Variants in PXDNL observed in about 807,000 individuals in gnomAD.
PXDNL encodes the protein probable oxidoreductase PXDNL.
PXDNL carries 145 observed loss-of-function variants against 150.8 expected under a neutral mutation model. The observed-to-expected ratio is 0.96, with a 90% CI of 0.84 to 1.10. PXDNL has a LOEUF of 1.10. Among genes scored for constraint, PXDNL ranks in the 50% least tolerant of loss-of-function variants. The probability of loss-of-function intolerance (pLI) is 0.00; values close to 1 mark genes in which losing one functional copy is unlikely to be tolerated. For synonymous variants in PXDNL, 757 were observed against 725.7 expected (o/e 1.04, Z -0.69); for missense variants, 2,087 against 1,873.9 (o/e 1.11, Z -2.10).
intron 17 of PXDNL, among the ~76,000 whole-genome samples, chr8:51,378,721 G>A (rs1014901877): frequency 2.0e-5 from 3 of 149,272 alleles, no homozygotes; most frequent in Admixed American, 6.6e-5. Flanking sequence ...ATCCCACTGG[G>A]ACAGGACGGG....
chr8:51,374,831 A>C (rs1446204776), intron 17 of PXDNL, 100 bp from the exon 18 acceptor site: 3 of 1,363,242 alleles, frequency 2.2e-6, no homozygotes, highest in Non-Finnish European at 2.0e-6. Context: ...TATCCACACA[A>C]AAAAAGAAAA....
chr8:51,377,578 G>C (rs966921987), intron 17 of PXDNL, among the ~76,000 whole-genome samples: 20 of 152,224 alleles, frequency 1.3e-4, no homozygotes, highest in Admixed American at 4.6e-4. Context: ...GCGAGTTCCG[G>C]GTGGGCGTGG....
At chr8:51,616,201 A>G (rs1485792424) in intron 2 of PXDNL, among the ~76,000 whole-genome samples, 1 of 152,238 alleles carries the variant, frequency 6.6e-6, no homozygotes, top group African/African-American at 2.4e-5. Flanking sequence ...TCAGTCTCGT[A>G]TTTTGAAAAA....
chr8:51,527,087 T>C (rs61336437), intron 4 of PXDNL, among the ~76,000 whole-genome samples: 3,662 of 152,232 alleles, frequency 0.024, 128 homozygotes, highest in African/African-American at 0.084. Flanking sequence ...AAAAAGCTTT[T>C]ATTTTCCTGC....
intron 4 of PXDNL, among the ~76,000 whole-genome samples, chr8:51,517,260 G>C (rs761258967): frequency 6.6e-6 from 1 of 152,030 alleles, no homozygotes; most frequent in Non-Finnish European, 1.5e-5. Flanking sequence ...TTCTCCAGGT[G>C]ATTCTTACAC....
intron 1 of PXDNL, among the ~76,000 whole-genome samples, chr8:51,774,988 GT>G (rs1250657577): frequency 6.6e-6 from 1 of 152,180 alleles, no homozygotes; most frequent in Non-Finnish European, 1.5e-5. Context: ...AATTCACACA[GT>G]CAAGAGGTTT....
At chr8:51,743,969 GAA>G (rs1563306994) in intron 1 of PXDNL, among the ~76,000 whole-genome samples, 2 of 16,744 alleles carry the variant, frequency 1.2e-4, no homozygotes, top group African/African-American at 2.2e-4. Context: ...AAAAGAGAGA[GAA>G]AAAAGAAAGG....
At chr8:51,596,072 C>A (rs906408153) in intron 2 of PXDNL, among the ~76,000 whole-genome samples, 2 of 152,084 alleles carry the variant, frequency 1.3e-5, no homozygotes, top group African/African-American at 4.8e-5. Context: ...CTCTAGTAAT[C>A]CCCAGTGTCT....
At position 51,493,975 on chromosome 8, in the gene PXDNL, T is replaced by C. The variant is rs1385177394; in HGVS notation, c.452+5724A>G. 6.6e-5 allele frequency among the ~76,000 whole-genome samples: 10 copies of C among 152,144 alleles called. No homozygotes were observed. In the South Asian group the frequency reaches 1.7e-3, roughly 25 times the overall value. On this transcript the variant is annotated intron_variant, in intron 5 of 22. Coordinates refer to ENST00000356297, the MANE Select transcript of PXDNL (RefSeq NM_144651.5). ...AGAAGAGTAACTCCAAGACACATAATTGTCAGATTCACCAAAGTTGAAATG... is the reference window on the plus strand; with the variant it reads ...AGAAGAGTAACTCCAAGACACATAACTGTCAGATTCACCAAAGTTGAAATG...
rs528238999 is a variant in PXDNL, at chr8:51,506,410, G to A, written c.381-6640C>T. Among the ~76,000 whole-genome samples, 187 of 151,782 alleles carry A rather than the reference G, an allele frequency of 1.2e-3. 2 individuals are homozygous for A. The highest frequency in any genetic ancestry group is 3.3e-3 in the East Asian group (17 of 5,154). On this transcript the variant is annotated intron_variant, in intron 4 of 22. Transcript: ENST00000356297. ...ACAAAAATTAGCTGGGCATGGTGGC[G>A]CGTGCCTGTAATCCCAGCTACTCGG...
intron 1 of PXDNL, among the ~76,000 whole-genome samples, chr8:51,714,640 G>A (rs1403244441): frequency 1.3e-5 from 2 of 152,162 alleles, no homozygotes; most frequent in African/African-American, 4.8e-5. Context: ...ACAGAGAACA[G>A]TTCAGAGGAG....
chr8:51,766,388 C>T (rs1052075564), intron 1 of PXDNL, among the ~76,000 whole-genome samples: 2 of 152,134 alleles, frequency 1.3e-5, no homozygotes, highest in African/African-American at 4.8e-5. Flanking sequence ...AAGTTACTAG[C>T]AAAAATAAAT....
intron 4 of PXDNL, among the ~76,000 whole-genome samples, chr8:51,512,962 C>A (rs1811454852): frequency 6.6e-6 from 1 of 152,148 alleles, no homozygotes; most frequent in African/African-American, 2.4e-5. Flanking sequence ...AACCTAGGTT[C>A]TGTTCCAATT....
At chr8:51,608,897 A>G (rs187351053) in intron 2 of PXDNL, among the ~76,000 whole-genome samples, 262 of 151,734 alleles carry the variant, frequency 1.7e-3, no homozygotes, top group African/African-American at 5.9e-3. Context: ...GGAAAAGCAT[A>G]TGTTTTCTCT....
At chr8:51,398,824 GTTTAA>G (rs1295507605) in intron 17 of PXDNL, among the ~76,000 whole-genome samples, 2 of 152,200 alleles carry the variant, frequency 1.3e-5, no homozygotes, top group Non-Finnish European at 2.9e-5. Flanking sequence ...TGGCTGTGAT[GTTTAA>G]TTTATCAGAA....
chr8:51,798,170 T>C (rs1190304932), intron 1 of PXDNL, among the ~76,000 whole-genome samples: 1 of 152,048 alleles, frequency 6.6e-6, no homozygotes, highest in Non-Finnish European at 1.5e-5. Flanking sequence ...TTATACCTTA[T>C]ACAAAAATTA....
chr8:51,368,775 C>T (rs535454403), intron 19 of PXDNL, among the ~76,000 whole-genome samples: 13 of 152,194 alleles, frequency 8.5e-5, no homozygotes, highest in African/African-American at 2.6e-4. Flanking sequence ...GCAGGCAGAT[C>T]ACTTGAGATC....
chr8:51,600,640 G>GT (rs1354212416), intron 2 of PXDNL, among the ~76,000 whole-genome samples: 6 of 87,560 alleles, frequency 6.9e-5, no homozygotes, highest in South Asian at 3.3e-4. Flanking sequence ...AAATTATATA[G>GT]TTAGATAATA....
intron 1 of PXDNL, among the ~76,000 whole-genome samples, chr8:51,703,230 A>T (rs1816294193): frequency 6.6e-6 from 1 of 152,020 alleles, no homozygotes; most frequent in Non-Finnish European, 1.5e-5. Flanking sequence ...CAAATTTTTC[A>T]TTCTACACAG....
Sources: allele counts gnomAD v4.1 joint callset (sites outside exome capture counted in the v4.1 genomes callset), GRCh38; gene constraint gnomAD v4.1.1; transcripts MANE v1.5; gene names NCBI Gene and HGNC (gene_info 2026-07-23, HGNC 2026-07-21).